The following SI variants were observed in gnomAD, a reference collection of about 807,000 sequenced individuals.
SI encodes sucrase-isomaltase, intestinal.
A neutral mutation model predicts 253.3 loss-of-function variants in SI; 235 were observed. The observed-to-expected ratio is 0.93, with a 90% CI of 0.83 to 1.03. The LOEUF (loss-of-function observed/expected upper bound fraction) is 1.03, where lower values mean the gene tolerates loss of function less well. SI is among the 50% of genes least tolerant of loss of function. The pLI is 0.00. For synonymous variants in SI, 819 were observed against 712.0 expected, an observed-to-expected ratio of 1.15 and a Z score of -2.39; for missense variants, 2,442 against 2,211.1, an observed-to-expected ratio of 1.10 and a Z score of -2.09.
chr3:165,069,921 T>C (rs572057585), intron 3 of SI, among the ~76,000 whole-genome samples: 1 of 151,282 alleles, frequency 6.6e-6, no homozygotes, highest in South Asian at 2.1e-4. Context: ...ATTTGAAAAA[T>C]TGTAGGATTT....
At chr3:165,050,355 A>G (rs527418697) in intron 13 of SI, among the ~76,000 whole-genome samples, 13 of 152,278 alleles carry the variant, frequency 8.5e-5, no homozygotes, top group African/African-American at 2.9e-4. Context: ...AATAGCCTTT[A>G]GTATTTTAAT....
chr3:165,019,531 C>T (rs550494965), intron 28 of SI, 71 bp downstream of exon 28: 3 of 1,321,330 alleles, frequency 2.3e-6, no homozygotes, highest in East Asian at 4.6e-5. Context: ...AGCACAGGCC[C>T]ATAAAGAAGT....
chr3:165,015,162 A>G lies in SI; in HGVS notation c.3960T>C (p.Phe1320=). 1 of 1,613,526 alleles carries G rather than the reference A, an allele frequency of 6.2e-7. No homozygotes were observed. Among genetic ancestry groups the G allele is most frequent in the Non-Finnish European group, 8.5e-7 (1 of 1,179,636 alleles). The change falls in exon 33 of 48, where the codon TTT becomes TTC. Residue 1320 remains phenylalanine (F), a synonymous_variant. Transcript: ENST00000264382. ...AFERGQQNDV[F]VKWPNTNDIC... Reference sequence around the variant, plus strand: ...TGTCATTGGTGTTTGGCCATTTGACAAAGACATCATTCTGCTGTCCTCTTT... The same window carrying G: ...TGTCATTGGTGTTTGGCCATTTGACGAAGACATCATTCTGCTGTCCTCTTT...
At chr3:165,076,129 G>A in intron 1 of SI, 117 bp from the exon 2 acceptor site, 1 of 692,168 alleles carries the variant, frequency 1.4e-6, no homozygotes, top group Non-Finnish European at 2.2e-6. Context: ...CAGAGTTGAA[G>A]ACAGCACTTA....
At chr3:165,079,787 A>G (rs185767896), upstream of SI, among the ~76,000 whole-genome samples, 4 of 151,942 alleles carry the variant, frequency 2.6e-5, no homozygotes, top group South Asian at 6.2e-4. Flanking sequence ...TGAAACTACA[A>G]TATAGATATA....
intron 41 of SI, 129 bp from the exon 42 acceptor site, chr3:164,992,526 A>C: frequency 1.5e-6 from 1 of 664,178 alleles, no homozygotes; most frequent in Non-Finnish European, 2.6e-6. Flanking sequence ...AAACTGTAAA[A>C]AAATTAAAAA....
chr3:165,013,918 A>G (rs1384784546), intron 33 of SI, among the ~76,000 whole-genome samples: 1 of 151,764 alleles, frequency 6.6e-6, no homozygotes, highest in Non-Finnish European at 1.5e-5. Context: ...GTAGATACAA[A>G]ATCTCCCTAT....
At chr3:165,053,436 G>C (rs1713535911) in intron 13 of SI, among the ~76,000 whole-genome samples, 1 of 152,126 alleles carries the variant, frequency 6.6e-6, no homozygotes, top group African/African-American at 2.4e-5. Flanking sequence ...GAAATAATTA[G>C]ATAAACCACT....
chr3:165,047,055 A>C (rs1713158894), intron 15 of SI, 43 bp from the exon 16 acceptor site: 1 of 1,437,132 alleles, frequency 7.0e-7, no homozygotes, highest in Non-Finnish European at 9.5e-7. Flanking sequence ...TATTTTAAAA[A>C]ATAAAGTTGG....
chr3:165,048,586 G>GTATATATATATATATAT (rs1713258508), intron 15 of SI, among the ~76,000 whole-genome samples: 1 of 79,298 alleles, frequency 1.3e-5, no homozygotes, highest in African/African-American at 4.0e-5. Flanking sequence ...TATATATATA[G>GTATATATATATATATAT]AGAGAGAGAG....
intron 34 of SI, among the ~76,000 whole-genome samples, chr3:165,010,075 A>G (rs1204139621): frequency 6.6e-6 from 1 of 152,214 alleles, no homozygotes; most frequent in Non-Finnish European, 1.5e-5. Flanking sequence ...CGGCCTTAAC[A>G]GTCTTCTTTA....
At position 164,991,349 on chromosome 3, in the gene SI, T is replaced by C. The variant is rs772814510; in HGVS notation, c.5108+4A>G. ...AACCTGAGCTTTGTAAACAGTTCAC[T>C]TACCTGTAAAATGTGTTTTGAGCTG... On this transcript the variant is annotated splice_donor_region_variant and intron_variant, in intron 44 of 47. Transcript: ENST00000264382. 3 of 1,613,616 alleles carry C rather than the reference T, an allele frequency of 1.9e-6. No homozygotes were observed. In the African/African-American group the frequency reaches 4.0e-5, roughly 22 times the overall value.
intron 36 of SI, 28 bp from the exon 37 acceptor site, chr3:165,006,982 ATATAT>A (rs1333435823): frequency 2.7e-6 from 4 of 1,501,348 alleles, no homozygotes; most frequent in Non-Finnish European, 3.7e-6. Context: ...AAAAATATTA[ATATAT>A]TATACAGTGC....
chr3:164,992,318 C>G lies in SI; in HGVS notation c.4921G>C (p.Glu1641Gln). ...GPAFMVTPVLEPYVQTVNAYV... is the reference protein window; with the variant it reads ...GPAFMVTPVLQPYVQTVNAYV... The stretch of plus-strand genomic sequence containing the variant: ...AAATATGTGGTAGGACTTACAGGTT[C>G]CAGTACTGGGGTAACCATAAATGCT... The change falls in exon 42 of 48, where the codon GAA becomes CAA. Residue 1641 changes from glutamate (E) to glutamine (Q), a missense_variant. Physicochemically the swap from Glu to Gln is conservative, Grantham distance 29. Coordinates refer to ENST00000264382, the MANE Select transcript of SI (RefSeq NM_001041.4). 6.2e-7 allele frequency: 1 copy of G among 1,613,154 alleles called. No homozygotes were observed. The highest frequency in any genetic ancestry group is 2.2e-5 in the East Asian group (1 of 44,804).
chr3:164,989,115 T>TA (rs11420472), intron 44 of SI, among the ~76,000 whole-genome samples: 7,262 of 143,906 alleles, frequency 0.05, 614 homozygotes, highest in African/African-American at 0.18. Flanking sequence ...AATACATAAT[T>TA]AAAAAAAAAA....
intron 26 of SI, 120 bp downstream of exon 26, chr3:165,023,450 C>A (rs1711734493): frequency 2.6e-6 from 2 of 754,954 alleles, no homozygotes. Flanking sequence ...TTTATAAAAT[C>A]AAAATATTAT....
chr3:165,088,784 G>T, the SI span, among the ~76,000 whole-genome samples: 1 of 151,536 alleles, frequency 6.6e-6, no homozygotes, highest in Non-Finnish European at 1.5e-5. Context: ...TTTTAACATG[G>T]TCTACCAATT....
chr3:165,054,719 T>C (rs1456208716), intron 13 of SI, among the ~76,000 whole-genome samples: 1 of 152,112 alleles, frequency 6.6e-6, no homozygotes, highest in Non-Finnish European at 1.5e-5. Flanking sequence ...TGAGATATAG[T>C]AATACTTAAC....
chr3:165,043,042 G>A lies in SI; in HGVS notation c.2004+17C>T. 7.0e-7 allele frequency: 1 copy of A among 1,418,868 alleles called. No homozygotes were observed. The highest frequency in any genetic ancestry group is 1.0e-6 in the Non-Finnish European group (1 of 1,002,354). 87.9% of individuals were successfully genotyped at this position (1,418,868 alleles called of 1,614,324 possible). On this transcript the variant is annotated intron_variant, in intron 17 of 47. Transcript: ENST00000264382. The stretch of plus-strand genomic sequence containing the variant: ...GTTGTTTTTTATTTCGCAACATGGA[G>A]AACAAGAGGCTCTTACTTCATATCC...
Sources: allele counts gnomAD v4.1 joint callset (sites outside exome capture counted in the v4.1 genomes callset), GRCh38; gene constraint gnomAD v4.1.1; transcripts MANE v1.5; gene names NCBI Gene and HGNC (gene_info 2026-07-23, HGNC 2026-07-21).